Variants in NLGN4X observed in about 807,000 individuals in gnomAD.
The protein encoded by NLGN4X is neuroligin-4, X-linked.
A neutral mutation model predicts 40.3 loss-of-function variants in NLGN4X; 3 were observed. That is an observed-to-expected ratio of 0.07 (90% confidence interval 0.03 to 0.19). NLGN4X has a LOEUF of 0.19. Among genes scored for constraint, NLGN4X ranks in the 10% least tolerant of loss-of-function variants. NLGN4X has a pLI of 1.00. For missense variants in NLGN4X, 382 were observed against 708.3 expected (o/e 0.54, Z 5.23); for synonymous variants, 270 against 306.8 (o/e 0.88, Z 1.25).
chrX:6,045,942 GAGAA>G (rs1175312445), intron 2 of NLGN4X, among the ~76,000 whole-genome samples: 5 of 111,511 alleles, frequency 4.5e-5, no homozygotes, highest in African/African-American at 1.6e-4. Context: ...TATCCAACAA[GAGAA>G]AGAGAATCTA....
At chrX:6,115,297 A>G (rs968851389) in intron 2 of NLGN4X, among the ~76,000 whole-genome samples, 19 of 112,001 alleles carry the variant, frequency 1.7e-4, no homozygotes, top group African/African-American at 6.2e-4. Context: ...ACGGTGGCAC[A>G]TATCAGAACA....
chrX:6,080,905 C>A (rs1163806213), intron 2 of NLGN4X, among the ~76,000 whole-genome samples: 1 of 110,610 alleles, frequency 9.0e-6, no homozygotes, highest in African/African-American at 3.3e-5. Context: ...GTGATCATGG[C>A]TCATTGTATC....
chrX:5,968,457 C>CTCTCTGTGTG (rs1192942244), intron 3 of NLGN4X, among the ~76,000 whole-genome samples: 89 of 46,986 alleles, frequency 1.9e-3, no homozygotes, highest in East Asian at 7.2e-3. Flanking sequence ...CTCTCTCTCT[C>CTCTCTGTGTG]TGTGTGTGTG....
chrX:6,043,160 A>ACAC (rs33946128), intron 2 of NLGN4X, among the ~76,000 whole-genome samples: 11,976 of 100,710 alleles, frequency 0.12, 669 homozygotes, highest in Middle Eastern at 0.3. Context: ...CACACACACA[A>ACAC]ACACACGTAT....
At chrX:6,197,173 T>A (rs1284763605) in intron 1 of NLGN4X, among the ~76,000 whole-genome samples, 2 of 111,865 alleles carry the variant, frequency 1.8e-5, no homozygotes, top group East Asian at 5.5e-4. Context: ...CTTCTGGACT[T>A]TATTCCAGAA....
chrX:5,999,656 T>C (rs1351506297), intron 3 of NLGN4X, among the ~76,000 whole-genome samples: 1 of 112,451 alleles, frequency 8.9e-6, no homozygotes, highest in Non-Finnish European at 1.9e-5. Context: ...ATATCTTTTG[T>C]CAATATTTTT....
intron 3 of NLGN4X, among the ~76,000 whole-genome samples, chrX:6,021,817 T>C (rs948068061): frequency 6.3e-5 from 7 of 110,447 alleles, no homozygotes; most frequent in Non-Finnish European, 1.9e-5. Flanking sequence ...TTGCCCTATC[T>C]TCTGCAATGT....
At chrX:6,137,336 G>A (rs940355985) in intron 2 of NLGN4X, among the ~76,000 whole-genome samples, 4 of 111,867 alleles carry the variant, frequency 3.6e-5, no homozygotes, top group East Asian at 2.8e-4. Flanking sequence ...CCCTAACACA[G>A]TATGAACTCA....
At chrX:6,124,083 T>C (rs1049626958) in intron 2 of NLGN4X, among the ~76,000 whole-genome samples, 13 of 110,246 alleles carry the variant, frequency 1.2e-4, no homozygotes, top group African/African-American at 3.6e-4. Context: ...TGAAAAAATA[T>C]CACAGGAAGC....
At chrX:6,041,012 G>T (rs1168538012) in intron 2 of NLGN4X, among the ~76,000 whole-genome samples, 2 of 111,432 alleles carry the variant, frequency 1.8e-5, no homozygotes, top group South Asian at 3.8e-4. Flanking sequence ...TGTCTTTCTG[G>T]ATTTGCTTAT....
At chrX:6,003,029 T>C (rs1017301132) in intron 3 of NLGN4X, among the ~76,000 whole-genome samples, 2 of 111,523 alleles carry the variant, frequency 1.8e-5, no homozygotes, top group Admixed American at 9.6e-5. Context: ...GCATTTACCA[T>C]CTTCAATTTG....
At chrX:6,010,884 C>T (rs1248302020) in intron 3 of NLGN4X, among the ~76,000 whole-genome samples, 1 of 111,311 alleles carries the variant, frequency 9.0e-6, no homozygotes, top group Non-Finnish European at 1.9e-5. Flanking sequence ...ACAATAATCT[C>T]TATTTACCAA....
At chrX:5,987,811 C>T (rs2035570579) in intron 3 of NLGN4X, among the ~76,000 whole-genome samples, 2 of 112,150 alleles carry the variant, frequency 1.8e-5, no homozygotes, top group South Asian at 7.5e-4. Context: ...CCGTGGCTCA[C>T]GCCTGTTCTC....
At chrX:6,130,736 T>C (rs145741749) in intron 2 of NLGN4X, among the ~76,000 whole-genome samples, 21 of 112,741 alleles carry the variant, frequency 1.9e-4, no homozygotes, top group African/African-American at 6.1e-4. Flanking sequence ...CTTTCATCAA[T>C]TAGGCCTTAT....
chrX:6,027,822 A>ATTT (rs35042993), intron 3 of NLGN4X, among the ~76,000 whole-genome samples: 3,632 of 99,338 alleles, frequency 0.037, 74 homozygotes, highest in Admixed American at 0.071. Flanking sequence ...TATTATTATT[A>ATTT]TTTTTTTTTT....
chrX:6,102,535 T>C (rs187611865), intron 2 of NLGN4X, among the ~76,000 whole-genome samples: 5 of 111,042 alleles, frequency 4.5e-5, no homozygotes, highest in Admixed American at 2.9e-4. Context: ...CACTTTGATC[T>C]TGAACTTCCA....
In NLGN4X at chrX:6,123,456, G is replaced by C. The variant is rs931256070; in HGVS notation, c.472+27539C>G. Among the ~76,000 whole-genome samples the C allele has an allele frequency of 2.7e-5, 3 of 111,478 alleles. No individual in the cohort carries two copies. The Admixed American group carries it at 2.9e-4, about 11-fold the overall frequency. On this transcript the variant is annotated intron_variant, in intron 2 of 5. Coordinates refer to ENST00000381095, the MANE Select transcript of NLGN4X (RefSeq NM_181332.3). ...ATATTTCTGCAAGGAGAGGAACCCAGAACACAGCAACATAATACAGGTAAC... is the reference window on the plus strand; with the variant it reads ...ATATTTCTGCAAGGAGAGGAACCCACAACACAGCAACATAATACAGGTAAC...
chrX:5,978,266 CTCTTTT>C (rs1376909926), intron 3 of NLGN4X, among the ~76,000 whole-genome samples: 102 of 104,017 alleles, frequency 9.8e-4, no homozygotes, highest in African/African-American at 3.4e-3. Flanking sequence ...AGACAGGCGT[CTCTTTT>C]TTTCTTTCTT....
chrX:5,893,108 A>G lies in NLGN4X; in HGVS notation c.2160T>C (p.Asp720=). 8.3e-7 allele frequency: 1 copy of G among 1,211,511 alleles called. No homozygotes were observed. The highest frequency in any genetic ancestry group is 1.8e-5 in the South Asian group (1 of 56,950). Residue 720 remains aspartate (D), a synonymous_variant, in exon 6 of 6, where the codon GAT becomes GAC. Transcript: ENST00000381095. ...RPSPQRNTTN[D]IAHIQNEEIM... ...TCTCTTCGTTCTGGATGTGAGCGAT[A>G]TCATTTGTGGTGTTTCTCTGGGGAC...
Sources: gnomAD v4.1 joint callset for allele counts (sites outside exome capture counted in the v4.1 genomes callset) on GRCh38, gnomAD v4.1.1 for gene constraint, MANE v1.5 for transcripts, NCBI Gene and HGNC (gene_info 2026-07-23, HGNC 2026-07-21) for gene names.